TSPAN32: variants seen among roughly 807,000 people sequenced by gnomAD.
TSPAN32 encodes tetraspanin-32.
In TSPAN32, 47 loss-of-function variants were observed where a neutral mutation model predicts 42.7. The observed-to-expected ratio is 1.10, with a 90% CI of 0.87 to 1.40. The LOEUF (loss-of-function observed/expected upper bound fraction) is 1.40, where lower values mean the gene tolerates loss of function less well. TSPAN32 is among the 40% of genes most tolerant of loss of function. The pLI is 0.00. For synonymous variants in TSPAN32, 175 were observed against 175.9 expected (o/e 0.99, Z 0.04); for missense variants, 469 against 424.1 (o/e 1.11, Z -0.93).
chr11:2,313,898 C>T lies in TSPAN32; in HGVS notation c.456+143C>T, dbSNP rs1589815002. On this transcript the variant is annotated intron_variant, in intron 5 of 9. Transcript: ENST00000182290. The surrounding 1 kb of genome is among the most constrained non-coding windows in gnomAD (Gnocchi z 9.1). Reference sequence around the variant, plus strand: ...CACAGGCCAGAGTTGCCCCTCAGGGCTGGGGGCAAAAAGCTCCCACCCTCT... The same window carrying T: ...CACAGGCCAGAGTTGCCCCTCAGGGTTGGGGGCAAAAAGCTCCCACCCTCT... 4.3e-6 allele frequency: 3 copies of T among 690,574 alleles called. No individual in the cohort carries two copies. In the East Asian group the frequency reaches 8.3e-5, roughly 19 times the overall value. 42.8% of individuals were successfully genotyped at this position (690,574 alleles called of 1,614,324 possible). A position where few individuals can be genotyped will look rare whatever the true frequency, so the allele number is the denominator to read the frequency against.
At chr11:2,316,333 C>G (rs1216231343) in intron 7 of TSPAN32, 21 bp downstream of exon 7, 1 of 1,580,180 alleles carries the variant, frequency 6.3e-7, no homozygotes, top group Non-Finnish European at 8.6e-7. Flanking sequence ...GCCTCCCTCA[C>G]TGCCCCTTCC....
intron 8 of TSPAN32, 119 bp downstream of exon 8, chr11:2,316,786 T>C (rs1848825389): frequency 1.8e-6 from 2 of 1,123,102 alleles, no homozygotes; most frequent in Non-Finnish European, 2.4e-6. Context: ...GCTGACACTG[T>C]AGAGGAAACG....
intron 3 of TSPAN32, chr11:2,307,082 A>G: frequency 6.5e-6 from 1 of 154,062 alleles, no homozygotes; most frequent in Non-Finnish European, 1.4e-5. Flanking sequence ...GGCAGCTCCC[A>G]GGCCATCCCC....
chr11:2,302,565 C>T (rs2133280718), intron 1 of TSPAN32: 1 of 543,774 alleles, frequency 1.8e-6, no homozygotes, highest in East Asian at 3.1e-5. Flanking sequence ...GGGCTCACTC[C>T]CACTCCGTAG....
chr11:2,306,347 C>G (rs1192768248), intron 3 of TSPAN32, among the ~76,000 whole-genome samples: 1 of 152,126 alleles, frequency 6.6e-6, no homozygotes, highest in African/African-American at 2.4e-5. Context: ...GAGAGCAGAG[C>G]TGGCAGCGCC....
At chr11:2,308,002 GAGGCTC>G (rs1258106861) in intron 3 of TSPAN32, among the ~76,000 whole-genome samples, 3 of 152,150 alleles carry the variant, frequency 2.0e-5, no homozygotes, top group Non-Finnish European at 2.9e-5. Flanking sequence ...CGGCCCTGGA[GAGGCTC>G]AGGCTCAGGG....
intron 4 of TSPAN32, among the ~76,000 whole-genome samples, chr11:2,311,987 G>A (rs1015689791): frequency 3.3e-5 from 5 of 150,418 alleles, no homozygotes; most frequent in South Asian, 2.1e-4. Flanking sequence ...TTCCCCAGTC[G>A]TGGGGAGAGC....
chr11:2,302,062 G>A lies in TSPAN32; in HGVS notation c.-88G>A. 1.3e-6 allele frequency: 2 copies of A among 1,496,066 alleles called. No individual in the cohort carries two copies. Among genetic ancestry groups the A allele is most frequent in the African/African-American group, 1.4e-5 (1 of 71,332 alleles). 92.7% of individuals were successfully genotyped at this position (1,496,066 alleles called of 1,614,324 possible). A position where few individuals can be genotyped will look rare whatever the true frequency, so the allele number is the denominator to read the frequency against. ...AGGGGCGGATGCAGCCTACCTCCTG[G>A]GCAGTGAGCTGCGGTCTGAGGCCCC... On this transcript the variant is annotated 5_prime_UTR_variant, in exon 1 of 10. It introduces an in-frame stop codon into an upstream open reading frame of the 5' UTR. Coordinates refer to ENST00000182290, the MANE Select transcript of TSPAN32 (RefSeq NM_139022.3).
intron 4 of TSPAN32, among the ~76,000 whole-genome samples, chr11:2,312,055 GGCAGGCAGAGCCAGGCAGGGCAGGCAGA>G (rs1360587955): frequency 2.6e-5 from 4 of 152,074 alleles, no homozygotes; most frequent in African/African-American, 9.6e-5. Flanking sequence ...GGGCAGGCAG[GGCAGGCAGAGCCAGGCAGGGCAGGCAGA>G]GCAGGCCCCT....
Position 2,304,212 on chromosome 11 carries a change from C to T in TSPAN32, c.279+8C>T. 6.5e-7 allele frequency: 1 copy of T among 1,543,918 alleles called. No individual in the cohort carries two copies. On this transcript the variant is annotated splice_region_variant and intron_variant, in intron 3 of 9. Coordinates refer to ENST00000182290, the MANE Select transcript of TSPAN32 (RefSeq NM_139022.3). This position sits in a 1 kb window ranked among gnomAD's most constrained non-coding sequence, Gnocchi z 4.8. The stretch of plus-strand genomic sequence containing the variant: ...CAGGGCCTCATGGCAGGGGTGAGTT[C>T]ATTGTGTTCCCAGATGCCCAGGCCC...
chr11:2,308,842 A>AG, intron 4 of TSPAN32, 32 bp downstream of exon 4: 2 of 1,459,768 alleles, frequency 1.4e-6, no homozygotes, highest in African/African-American at 1.4e-5. Context: ...CCTGCAGTGG[A>AG]GGGTCCCCCA....
chr11:2,311,911 C>G lies in TSPAN32; in HGVS notation c.355-1743C>G, dbSNP rs535199985. On this transcript the variant is annotated intron_variant, in intron 4 of 9. Coordinates refer to ENST00000182290, the MANE Select transcript of TSPAN32 (RefSeq NM_139022.3). ...GCCCCGTGGAGAGCAGCCGGCCCGG[C>G]CTCCAGGGCCCTCCAGGGCCAGACA... is the stretch of plus-strand genomic sequence containing the variant. Among the ~76,000 whole-genome samples the G allele has an allele frequency of 4.9e-4, 75 of 152,338 alleles. 1 individual carries two copies. In the South Asian group the frequency reaches 0.014, roughly 28 times the overall value.
chr11:2,308,845 G>A, intron 4 of TSPAN32, 35 bp downstream of exon 4: 1 of 1,458,378 alleles, frequency 6.9e-7, no homozygotes, highest in East Asian at 2.5e-5. Context: ...GCAGTGGAGG[G>A]TCCCCCAGTA....
intron 4 of TSPAN32, 87 bp downstream of exon 4, chr11:2,308,897 A>G: frequency 1.1e-6 from 1 of 884,938 alleles, no homozygotes; most frequent in Admixed American, 2.5e-5. Context: ...TCCTGGGAGG[A>G]GCAGCCCCAG....
intron 4 of TSPAN32, 68 bp downstream of exon 4, chr11:2,308,878 G>GCTCCCCAGTCCCCA: frequency 9.1e-7 from 1 of 1,097,320 alleles, no homozygotes; most frequent in Non-Finnish European, 1.4e-6. Flanking sequence ...CCTGGGGACT[G>GCTCCCCAGTCCCCA]GGGAGCAGTC....
At chr11:2,308,319 T>TG (rs1848232303) in intron 3 of TSPAN32, among the ~76,000 whole-genome samples, 1 of 151,964 alleles carries the variant, frequency 6.6e-6, no homozygotes, top group African/African-American at 2.4e-5. Context: ...AGCATCCTGC[T>TG]GGGGGCGCAG....
chr11:2,308,784 T>G lies in TSPAN32; in HGVS notation c.328T>G (p.Phe110Val). ...LAFCAQVQVV[F>V]WRLHSPTQVE... ...GTTCTGCGCACAGGTGCAGGTGGTG[T>G]TCTGGAGACTCCACAGCCCCACCCA... Residue 110 changes from phenylalanine to valine, a missense_variant, in exon 4 of 10, where the codon TTC (phenylalanine) becomes GTC (valine). Coordinates refer to ENST00000182290, the MANE Select transcript of TSPAN32 (RefSeq NM_139022.3). 2 of 1,572,102 alleles carry G rather than the reference T, an allele frequency of 1.3e-6. No individual in the cohort carries two copies. The highest frequency in any genetic ancestry group is 1.7e-6 in the Non-Finnish European group (2 of 1,158,808).
In TSPAN32 at chr11:2,316,290, C is replaced by G. The variant is rs1004861420; in HGVS notation, c.605C>G (p.Thr202Ser). The G allele has an allele frequency of 6.2e-7, 1 of 1,602,458 alleles. No individual in the cohort carries two copies. The highest frequency in any genetic ancestry group is 8.5e-7 in the Non-Finnish European group (1 of 1,176,164). ...CACCAGCAGGTCGCCTCCAGCCTGA[C>G]CAGCATCGGCCTGGCCCTCACGGTA... ...RTHQQVASSL[T>S]SIGLALTVSA... The change falls in exon 7 of 10, where the codon ACC (threonine) becomes AGC (serine). Residue 202 changes from threonine (T) to serine (S), a missense_variant. By Grantham distance (58) the Thr-to-Ser change is moderately conservative (BLOSUM62 1). Coordinates refer to ENST00000182290, the MANE Select transcript of TSPAN32 (RefSeq NM_139022.3).
chr11:2,314,726 T>G, intron 6 of TSPAN32, 155 bp downstream of exon 6: 2 of 636,064 alleles, frequency 3.1e-6, no homozygotes, highest in East Asian at 5.5e-5. Flanking sequence ...AAGGTTCTGA[T>G]GTGATCGGAG....
Sources: gnomAD v4.1 joint callset for allele counts (sites outside exome capture counted in the v4.1 genomes callset) on GRCh38, gnomAD v4.1.1 for gene constraint, Gnocchi (gnomAD v3.1) non-coding constraint, MANE v1.5 for transcripts, NCBI Gene and HGNC (gene_info 2026-07-23, HGNC 2026-07-21) for gene names.